Variants in GRAMD2B observed in about 807,000 individuals in gnomAD.
GRAMD2B encodes GRAM domain containing 2B.
In GRAMD2B, 41 loss-of-function variants were observed where a neutral mutation model predicts 59.2. The ratio of observed to expected loss-of-function variants is 0.69; its 90% CI spans 0.54 to 0.90. GRAMD2B has a LOEUF of 0.90. Among genes scored for constraint, GRAMD2B ranks in the 40% least tolerant of loss-of-function variants. GRAMD2B has a pLI of 0.00. For synonymous variants in GRAMD2B, 161 were observed against 182.7 expected (o/e 0.88, Z 0.96); for missense variants, 424 against 500.5 (o/e 0.85, Z 1.46).
intron 1 of GRAMD2B, among the ~76,000 whole-genome samples, chr5:126,375,995 G>C (rs1451468082): frequency 6.6e-6 from 1 of 152,142 alleles, no homozygotes; most frequent in African/African-American, 2.4e-5. Context: ...AGAACATTAA[G>C]CAGACTTGGA....
intron 8 of GRAMD2B, among the ~76,000 whole-genome samples, chr5:126,481,383 TATA>T (rs1402808252): frequency 1.3e-5 from 2 of 152,132 alleles, no homozygotes; most frequent in African/African-American, 2.4e-5. Flanking sequence ...CCATAATGGT[TATA>T]ATGTTTTCCC....
At position 126,483,592 on chromosome 5, in the gene GRAMD2B, A is replaced by C. The variant is rs1772292233; in HGVS notation, c.847+18A>C. 1.4e-6 allele frequency: 2 copies of C among 1,404,904 alleles called. No individual in the cohort carries two copies. Among genetic ancestry groups the C allele is most frequent in the Non-Finnish European group, 2.0e-6 (2 of 995,508 alleles). The allele number at this position is 1,404,904 out of a possible 1,614,324, so 87.0% of individuals were successfully genotyped here. A position where few individuals can be genotyped will look rare whatever the true frequency, so the allele number is the denominator to read the frequency against. On this transcript the variant is annotated intron_variant, in intron 9 of 13. Transcript: ENST00000285689. ...CTCTCGAGGTTTGGGAAATTGTTGT[A>C]TTTTGACTAAAATTTAATTCCCCTC...
intron 1 of GRAMD2B, among the ~76,000 whole-genome samples, chr5:126,416,532 G>A (rs1759283028): frequency 6.6e-6 from 1 of 152,146 alleles, no homozygotes; most frequent in African/African-American, 2.4e-5. Flanking sequence ...TGACCAACAA[G>A]GTTCTTGTCT....
At chr5:126,484,971 ATTC>A (rs1772623335) in intron 10 of GRAMD2B, among the ~76,000 whole-genome samples, 1 of 152,092 alleles carries the variant, frequency 6.6e-6, no homozygotes, top group South Asian at 2.1e-4. Flanking sequence ...TAATTCACTT[ATTC>A]TTTTAGCAAA....
chr5:126,368,645 G>T (rs374382861), upstream of GRAMD2B, among the ~76,000 whole-genome samples: 18 of 152,168 alleles, frequency 1.2e-4, no homozygotes, highest in African/African-American at 4.3e-4. Context: ...ACCACTCTCT[G>T]CTGGCTTCTG....
intron 1 of GRAMD2B, among the ~76,000 whole-genome samples, chr5:126,400,905 G>T (rs1485434033): frequency 6.6e-6 from 1 of 151,980 alleles, no homozygotes; most frequent in African/African-American, 2.4e-5. Flanking sequence ...ATCATAATGT[G>T]TCTCCATATA....
At chr5:126,438,723 AGT>A (rs546961860) in intron 1 of GRAMD2B, among the ~76,000 whole-genome samples, 32 of 152,174 alleles carry the variant, frequency 2.1e-4, no homozygotes, top group Non-Finnish European at 3.7e-4. Context: ...TGGTATTAGA[AGT>A]TTAAAAGGCT....
At chr5:126,438,371 G>A (rs1279429246) in intron 1 of GRAMD2B, among the ~76,000 whole-genome samples, 1 of 152,192 alleles carries the variant, frequency 6.6e-6, no homozygotes. Context: ...AGAGGTGTCA[G>A]AAATGGGCTT....
At chr5:126,434,106 A>G (rs1237096753) in intron 1 of GRAMD2B, 1 of 152,240 alleles carries the variant, frequency 6.6e-6, no homozygotes, top group Non-Finnish European at 1.5e-5. Flanking sequence ...CTATAAAATA[A>G]TAAGACTGAG....
chr5:126,460,010 C>G (rs1300475259), intron 1 of GRAMD2B, among the ~76,000 whole-genome samples: 1 of 152,022 alleles, frequency 6.6e-6, no homozygotes, highest in Non-Finnish European at 1.5e-5. Flanking sequence ...TGAAATATAC[C>G]TACATGCCCC....
upstream of GRAMD2B, among the ~76,000 whole-genome samples, chr5:126,367,871 C>A (rs997593838): frequency 1.4e-4 from 21 of 152,302 alleles, no homozygotes; most frequent in African/African-American, 4.6e-4. Context: ...CCTGCCTCAG[C>A]CTCCTGAGTA....
At chr5:126,375,804 T>C (rs1405280122) in intron 1 of GRAMD2B, among the ~76,000 whole-genome samples, 1 of 152,254 alleles carries the variant, frequency 6.6e-6, no homozygotes, top group East Asian at 1.9e-4. Flanking sequence ...TCAGGATTTA[T>C]CAGCTGTTTT....
At chr5:126,382,577 G>T (rs1038008321) in intron 1 of GRAMD2B, among the ~76,000 whole-genome samples, 2 of 152,074 alleles carry the variant, frequency 1.3e-5, no homozygotes, top group Non-Finnish European at 2.9e-5. Context: ...TTTCTCTGGA[G>T]ATTTTTCTGA....
At position 126,472,255 on chromosome 5, in the gene GRAMD2B, C is replaced by A. The variant is rs1214127702; in HGVS notation, c.333C>A (p.His111Gln). ...SSSSQYKANMHFHKLFLSVPT... is the reference protein window; with the variant it reads ...SSSSQYKANMQFHKLFLSVPT... ...CATTGTAGTACAAGGCCAATATGCA[C>A]TTTCACAAGTTGTTTCTTAGTGTCC... is the stretch of plus-strand genomic sequence containing the variant. The change falls in exon 4 of 14, where the codon CAC becomes CAA. Residue 111 changes from histidine to glutamine, a missense_variant. His to Gln is a conservative substitution (Grantham distance 24, BLOSUM62 0). Coordinates refer to ENST00000285689, the MANE Select transcript of GRAMD2B (RefSeq NM_023927.4). 1.2e-6 allele frequency: 2 copies of A among 1,613,704 alleles called. No homozygotes were observed. Among genetic ancestry groups the A allele is most frequent in the East Asian group, 4.5e-5 (2 of 44,874 alleles).
chr5:126,485,120 C>A (rs4621557), intron 10 of GRAMD2B, among the ~76,000 whole-genome samples: 89,468 of 151,850 alleles, frequency 0.59, 27,004 homozygotes, highest in Middle Eastern at 0.68. Flanking sequence ...TGGGAGTCTG[C>A]GGTGGGAGGA....
At chr5:126,463,244 G>A (rs1040043952) in intron 1 of GRAMD2B, among the ~76,000 whole-genome samples, 3 of 152,276 alleles carry the variant, frequency 2.0e-5, no homozygotes, top group Admixed American at 6.5e-5. Context: ...CTCCCTCTAA[G>A]TCTTCATCTG....
At position 126,480,679 on chromosome 5, in the gene GRAMD2B, G is replaced by A. The variant is rs372561018; in HGVS notation, c.707G>A (p.Arg236Gln). The change falls in exon 8 of 14, where the codon CGA becomes CAA. Residue 236 changes from arginine (R) to glutamine (Q), a missense_variant. Coordinates refer to ENST00000285689, the MANE Select transcript of GRAMD2B (RefSeq NM_023927.4). ...CCATCTTCTGCTGAAAACAGTTTCC[G>A]AGCAGACCGCCCTTCATCTCTGCCT... ...PNPSSAENSF[R>Q]ADRPSSLPLD... 8.1e-6 allele frequency: 13 copies of A among 1,613,926 alleles called. No homozygotes were observed. Among genetic ancestry groups the A allele is most frequent in the South Asian group, 6.6e-5 (6 of 91,080 alleles).
At chr5:126,455,582 C>A (rs1384414890) in intron 1 of GRAMD2B, among the ~76,000 whole-genome samples, 1 of 152,208 alleles carries the variant, frequency 6.6e-6, no homozygotes, top group Non-Finnish European at 1.5e-5. Context: ...CCACAATAAT[C>A]ATTGTATAAC....
upstream of GRAMD2B, among the ~76,000 whole-genome samples, chr5:126,369,948 C>T (rs901912176): frequency 3.3e-5 from 5 of 152,166 alleles, no homozygotes; most frequent in East Asian, 9.6e-4. Flanking sequence ...AATATAACAG[C>T]TTATTTAATG....
Sources: allele counts gnomAD v4.1 joint callset (sites outside exome capture counted in the v4.1 genomes callset), GRCh38; gene constraint gnomAD v4.1.1; transcripts MANE v1.5; gene names NCBI Gene and HGNC (gene_info 2026-07-23, HGNC 2026-07-21).